Variants in ID2 observed in about 807,000 individuals in gnomAD.
ID2 encodes the protein inhibitor of DNA binding 2, also known as DNA-binding protein inhibitor ID-2.
A neutral mutation model predicts 8.3 loss-of-function variants in ID2; 2 were observed. The ratio of observed to expected loss-of-function variants is 0.24; its 90% confidence interval spans 0.10 to 0.76. ID2 has a LOEUF of 0.76. Ranked by LOEUF, ID2 falls within the 30% of genes least tolerant of loss-of-function variation. The pLI is 0.73. For missense variants in ID2, 155 were observed against 167.0 expected (o/e 0.93, Z 0.40); for synonymous variants, 112 against 72.3 (o/e 1.55, Z -2.79).
Position 8,682,132 on chromosome 2 carries a change from C to G in ID2, c.-34C>G. 1 of 1,564,480 alleles carries G rather than the reference C, an allele frequency of 6.4e-7. No homozygotes were observed. The highest frequency in any genetic ancestry group is 8.8e-7 in the Non-Finnish European group (1 of 1,141,844). On this transcript the variant is annotated 5_prime_UTR_variant, in exon 1 of 3. Coordinates refer to ENST00000396290, the MANE Select transcript of ID2 (RefSeq NM_002166.5). ...GCGGCCTGAGCTTCAGGGCAGCCAG[C>G]TCCCTCCCGGTCTCGCCTTCCCTCG...
At chr2:8,682,564 G>A (rs1662111778) in intron 1 of ID2, 51 bp downstream of exon 1, 6 of 1,357,762 alleles carry the variant, frequency 4.4e-6, no homozygotes, top group Non-Finnish European at 6.2e-6. Context: ...TCCCGCGGTC[G>A]TCTGGGCTGT....
chr2:8,682,456 G>A lies in ID2; in HGVS notation c.291G>A (p.Gln97=), dbSNP rs755050813. The A allele has an allele frequency of 8.7e-6, 14 of 1,613,476 alleles. No homozygotes were observed. Among genetic ancestry groups the A allele is most frequent in the Non-Finnish European group, 1.2e-5 (14 of 1,180,024 alleles). ...ATCACCAGAGACCCGGGCAGAACCA[G>A]GCGTCCAGGACGCCGCTGACCACCC... ...SLHHQRPGQN[Q]ASRTPLTTLN... Residue 97 remains glutamine (Q), a synonymous_variant, in exon 1 of 3, where the codon CAG becomes CAA. Transcript: ENST00000396290.
Position 8,682,123 on chromosome 2 carries a change from G to A in ID2, c.-43G>A, listed in dbSNP as rs1662090976. ...GCGGCAGCGGCGGCCTGAGCTTCAG[G>A]GCAGCCAGCTCCCTCCCGGTCTCGC... is the stretch of plus-strand genomic sequence containing the variant. On this transcript the variant is annotated 5_prime_UTR_variant, in exon 1 of 3. Coordinates refer to ENST00000396290, the MANE Select transcript of ID2 (RefSeq NM_002166.5). The A allele has an allele frequency of 2.0e-6, 3 of 1,531,642 alleles. No individual in the cohort carries two copies. The highest frequency in any genetic ancestry group is 1.8e-6 in the Non-Finnish European group (2 of 1,116,090). 94.9% of individuals were successfully genotyped at this position (1,531,642 alleles called of 1,614,324 possible).
At position 8,682,217 on chromosome 2, in the gene ID2, C is replaced by T. The variant is rs538235908; in HGVS notation, c.52C>T (p.His18Tyr). 2 of 1,614,020 alleles carry T rather than the reference C, an allele frequency of 1.2e-6. No homozygotes were observed. The highest frequency in any genetic ancestry group is 1.3e-5 in the African/African-American group (1 of 75,042). ...CGTTAGGAAAAACAGCCTGTCGGAC[C>T]ACAGCCTGGGCATCTCCCGGAGCAA... ...RSVRKNSLSD[H>Y]SLGISRSKTP... Residue 18 changes from histidine (H) to tyrosine (Y), a missense_variant, in exon 1 of 3, where the codon CAC becomes TAC. His to Tyr is a moderately conservative substitution (Grantham distance 83). This residue lies in a region of ID2 where 73 missense variants were observed against 72.2 expected (regional missense o/e 1.01). Transcript: ENST00000396290.
intron 2 of ID2, 143 bp downstream of exon 2, chr2:8,683,049 G>C: frequency 2.8e-6 from 2 of 703,052 alleles, no homozygotes; most frequent in South Asian, 1.6e-5. Flanking sequence ...GTACTACATT[G>C]TCTCACTAGA....
intron 1 of ID2, 44 bp from the exon 2 acceptor site, chr2:8,682,799 T>G (rs1558273104): frequency 2.2e-6 from 3 of 1,373,930 alleles, no homozygotes; most frequent in Non-Finnish European, 2.1e-6. Flanking sequence ...CCTTTCTACT[T>G]AACATTGTCT....
At chr2:8,682,964 C>A in intron 2 of ID2, 58 bp downstream of exon 2, 1 of 1,298,840 alleles carries the variant, frequency 7.7e-7, no homozygotes, top group Non-Finnish European at 1.1e-6. Context: ...TGTGCGCGCG[C>A]GCGCATGTGT....
chr2:8,682,463 A>G lies in ID2; in HGVS notation c.298A>G (p.Arg100Gly). The change falls in exon 1 of 3, where the codon AGG (arginine) becomes GGG (glycine). Residue 100 changes from arginine (R) to glycine (G), a missense_variant. This residue lies in a region of ID2 where 75 missense variants were observed against 72.2 expected (regional missense o/e 1.04). Coordinates refer to ENST00000396290, the MANE Select transcript of ID2 (RefSeq NM_002166.5). ...HQRPGQNQAS[R>G]TPLTTLNTDI... ...GAGACCCGGGCAGAACCAGGCGTCC[A>G]GGACGCCGCTGACCACCCTCAACAC... 8 of 1,613,568 alleles carry G rather than the reference A, an allele frequency of 5.0e-6. No individual in the cohort carries two copies. Among genetic ancestry groups the G allele is most frequent in the Non-Finnish European group, 6.8e-6 (8 of 1,180,016 alleles).
In ID2 at chr2:8,682,228, C is replaced by A. The variant is rs766065053; in HGVS notation, c.63C>A (p.Gly21=). 6.2e-7 allele frequency: 1 copy of A among 1,614,060 alleles called. No individual in the cohort carries two copies. Among genetic ancestry groups the A allele is most frequent in the East Asian group, 2.2e-5 (1 of 44,870 alleles). The change falls in exon 1 of 3, where the codon GGC becomes GGA. Residue 21 remains glycine, a synonymous_variant. Transcript: ENST00000396290. ...ACAGCCTGTCGGACCACAGCCTGGG[C>A]ATCTCCCGGAGCAAAACCCCTGTGG... The part of the protein sequence containing the change: ...RKNSLSDHSL[G]ISRSKTPVDD...
chr2:8,682,548 G>A (rs1310775976), intron 1 of ID2, 35 bp downstream of exon 1: 2 of 1,497,502 alleles, frequency 1.3e-6, no homozygotes, highest in Non-Finnish European at 1.8e-6. Context: ...CCCCGCCGCC[G>A]CACACTCCCG....
intron 1 of ID2, 96 bp from the exon 2 acceptor site, chr2:8,682,747 C>T (rs536056805): frequency 3.4e-5 from 32 of 944,160 alleles, no homozygotes; most frequent in Admixed American, 3.1e-4. Context: ...ATGGAACTTG[C>T]TGGTCTGTGG....
rs763287365 is a variant in ID2, at chr2:8,682,507, C to T, written c.342C>T (p.Ser114=). 3 of 1,611,880 alleles carry T rather than the reference C, an allele frequency of 1.9e-6. No homozygotes were observed. Among genetic ancestry groups the T allele is most frequent in the Admixed American group, 1.7e-5 (1 of 59,970 alleles). ...TTLNTDISIL[S]LQASEFPSEL... ...TCAACACGGATATCAGCATCCTGTC[C>T]TTGCAGGTAAGACCTGCTCCGGGGT... is the stretch of plus-strand genomic sequence containing the variant. Residue 114 remains serine (S), a synonymous_variant, in exon 1 of 3, where the codon TCC becomes TCT. Coordinates refer to ENST00000396290, the MANE Select transcript of ID2 (RefSeq NM_002166.5).
At chr2:8,683,445 T>C (rs1453376094) in intron 2 of ID2, among the ~76,000 whole-genome samples, 1 of 152,234 alleles carries the variant, frequency 6.6e-6, no homozygotes, top group Non-Finnish European at 1.5e-5. Flanking sequence ...GTAGCACTGC[T>C]GTTGGAGATC....
Position 8,682,483 on chromosome 2 carries a change from C to T in ID2, c.318C>T (p.Leu106=), listed in dbSNP as rs4899. The T allele has an allele frequency of 6.2e-7, 1 of 1,613,336 alleles. No individual in the cohort carries two copies. ...CGTCCAGGACGCCGCTGACCACCCTCAACACGGATATCAGCATCCTGTCCT... is the reference window on the plus strand; with the variant it reads ...CGTCCAGGACGCCGCTGACCACCCTTAACACGGATATCAGCATCCTGTCCT... ...NQASRTPLTT[L]NTDISILSLQ... Residue 106 remains leucine, a synonymous_variant, in exon 1 of 3, where the codon CTC becomes CTT. Transcript: ENST00000396290.
Position 8,682,255 on chromosome 2 carries a change from C to G in ID2, c.90C>G (p.Asp30Glu). 6.2e-7 allele frequency: 1 copy of G among 1,614,112 alleles called. No homozygotes were observed. Among genetic ancestry groups the G allele is most frequent in the Non-Finnish European group, 8.5e-7 (1 of 1,180,018 alleles). Residue 30 changes from aspartate to glutamate, a missense_variant, in exon 1 of 3, where the codon GAC (aspartate) becomes GAG (glutamate). This residue lies in a region of ID2 where 73 missense variants were observed against 72.2 expected (regional missense o/e 1.01). Transcript: ENST00000396290. Reference protein sequence around the residue: ...LGISRSKTPVDDPMSLLYNMN... With the variant: ...LGISRSKTPVEDPMSLLYNMN... ...TCTCCCGGAGCAAAACCCCTGTGGA[C>G]GACCCGATGAGCCTGCTATACAACA...
At position 8,682,511 on chromosome 2, in the gene ID2, C is replaced by T; in HGVS notation, c.346C>T (p.Gln116Ter). Residue 116 changes from glutamine to a stop codon, truncating the protein, a stop_gained and splice_region_variant, in exon 1 of 3, where the codon CAG becomes TAG. Transcript: ENST00000396290. LOFTEE classifies it high-confidence loss of function. ...CACGGATATCAGCATCCTGTCCTTG[C>T]AGGTAAGACCTGCTCCGGGGTCCCC... Reference protein sequence around the residue: ...LNTDISILSLQASEFPSELMS... With the variant: ...LNTDISILSL The T allele has an allele frequency of 6.2e-7, 1 of 1,609,334 alleles. No individual in the cohort carries two copies. The highest frequency in any genetic ancestry group is 8.5e-7 in the Non-Finnish European group (1 of 1,177,188).
At chr2:8,682,814 C>T (rs201480328) in intron 1 of ID2, 29 bp from the exon 2 acceptor site, 27 of 1,525,364 alleles carry the variant, frequency 1.8e-5, no homozygotes, top group South Asian at 2.2e-5. Context: ...TTGTCTTAAC[C>T]TCGTACTCTT....
At chr2:8,683,626 C>G (rs1286950264) in intron 2 of ID2, 59 bp from the exon 3 acceptor site, 1 of 152,350 alleles carries the variant, frequency 6.6e-6, no homozygotes, top group Admixed American at 6.5e-5. Context: ...GCCAGTCGCC[C>G]GCCTCTGCCC....
At chr2:8,683,124 T>A in intron 2 of ID2, 1 of 579,712 alleles carries the variant, frequency 1.7e-6, no homozygotes, top group Non-Finnish European at 3.1e-6. Context: ...AAGGAAATGA[T>A]GCCAATAACT....
Sources: gnomAD v4.1 joint callset for allele counts (sites outside exome capture counted in the v4.1 genomes callset) on GRCh38, gnomAD v4.1.1 for gene constraint, gnomAD v4.1.1 regional missense constraint, MANE v1.5 for transcripts, NCBI Gene and HGNC (gene_info 2026-07-23, HGNC 2026-07-21) for gene names.